FNTA: variants seen among roughly 807,000 people sequenced by gnomAD.
The protein encoded by FNTA is farnesyltransferase, CAAX box, subunit alpha.
Under a neutral mutation model 55.2 loss-of-function variants are expected in FNTA, and 27 were observed. The observed-to-expected ratio is 0.49, with a 90% CI of 0.36 to 0.67. The LOEUF is 0.67. Among genes scored for constraint, FNTA ranks in the 30% least tolerant of loss-of-function variants. FNTA has a pLI of 0.00. For synonymous variants in FNTA, 176 were observed against 170.7 expected, an observed-to-expected ratio of 1.03 and a Z score of -0.24; for missense variants, 422 against 464.7, an observed-to-expected ratio of 0.91 and a Z score of 0.85.
intron 6 of FNTA, 73 bp from the exon 7 acceptor site, chr8:43,083,045 C>T (rs1379882940): frequency 1.2e-6 from 1 of 834,328 alleles, no homozygotes; most frequent in Non-Finnish European, 1.8e-6. Flanking sequence ...GACTCCGTTT[C>T]AGAAAAAAAA....
intron 3 of FNTA, among the ~76,000 whole-genome samples, chr8:43,066,398 G>A (rs1325131976): frequency 6.7e-6 from 1 of 149,744 alleles, no homozygotes; most frequent in African/African-American, 2.5e-5. Context: ...CTGGGACTAC[G>A]GACGCCTGCC....
chr8:43,072,434 A>G, intron 5 of FNTA, 127 bp downstream of exon 5: 1 of 563,380 alleles, frequency 1.8e-6, no homozygotes, highest in African/African-American at 2.0e-5. Flanking sequence ...ATATATAACT[A>G]AAAATTATTG....
chr8:43,084,541 A>G (rs909524880), intron 7 of FNTA, 169 bp from the exon 8 acceptor site: 3 of 573,322 alleles, frequency 5.2e-6, no homozygotes, highest in Non-Finnish European at 6.1e-6. Flanking sequence ...CTAATGATCT[A>G]TGATAAGACT....
intron 6 of FNTA, chr8:43,081,058 A>G (rs976822093): frequency 6.6e-6 from 1 of 152,028 alleles, no homozygotes; most frequent in African/African-American, 2.4e-5. Context: ...AGTTTGTTAA[A>G]TTTTTTTTAA....
At chr8:43,064,274 C>CTTTTTTTAAACTGTACTTTAA in intron 3 of FNTA, 59 bp downstream of exon 3, 1 of 1,101,342 alleles carries the variant, frequency 9.1e-7, no homozygotes, top group South Asian at 1.3e-5. Flanking sequence ...AGTGGCTTTT[C>CTTTTTTTAAACTGTACTTTAA]TTTTTTTAAA....
intron 2 of FNTA, among the ~76,000 whole-genome samples, chr8:43,063,762 C>G (rs763209474): frequency 2.0e-5 from 3 of 152,050 alleles, no homozygotes; most frequent in Non-Finnish European, 4.4e-5. Context: ...AAAATCTGAT[C>G]AAAATGTCAG....
At chr8:43,073,167 A>C (rs1010457712) in intron 5 of FNTA, among the ~76,000 whole-genome samples, 4 of 152,332 alleles carry the variant, frequency 2.6e-5, no homozygotes, top group Admixed American at 2.0e-4. Context: ...AAAACTTAAA[A>C]ATTTTTAAAC....
At chr8:43,082,383 T>A (rs909391112) in intron 6 of FNTA, 6 of 152,246 alleles carry the variant, frequency 3.9e-5, no homozygotes, top group South Asian at 2.1e-4. Context: ...TGCCATTTTT[T>A]AATGATAGCT....
At chr8:43,065,436 G>A (rs568963281) in intron 3 of FNTA, among the ~76,000 whole-genome samples, 6 of 151,632 alleles carry the variant, frequency 4.0e-5, no homozygotes, top group East Asian at 3.9e-4. Flanking sequence ...TAGTAGAGAC[G>A]GGGTTTCATC....
chr8:43,067,637 G>T (rs1477812636), intron 3 of FNTA, among the ~76,000 whole-genome samples: 1 of 151,356 alleles, frequency 6.6e-6, no homozygotes, highest in Non-Finnish European at 1.5e-5. Flanking sequence ...ACATGCTCTG[G>T]GAAGTCTACT....
chr8:43,079,799 T>C (rs1810987918), intron 6 of FNTA: 1 of 152,358 alleles, frequency 6.6e-6, no homozygotes, highest in Admixed American at 6.5e-5. Context: ...CTAGGTGCTA[T>C]TAGGAATATT....
intron 5 of FNTA, among the ~76,000 whole-genome samples, chr8:43,075,598 T>G (rs144881359): frequency 0.021 from 3,164 of 152,182 alleles, 62 homozygotes; most frequent in Middle Eastern, 0.041. Context: ...GGCAGATTAC[T>G]TGAGTTCAGG....
chr8:43,085,360 C>T lies in FNTA; in HGVS notation c.*78C>T. 7.3e-7 allele frequency: 1 copy of T among 1,373,276 alleles called. No homozygotes were observed. Among genetic ancestry groups the T allele is most frequent in the Non-Finnish European group, 1.0e-6 (1 of 987,276 alleles). The allele number at this position is 1,373,276 out of a possible 1,614,324, so 85.1% of individuals were successfully genotyped here. On this transcript the variant is annotated 3_prime_UTR_variant, in exon 9 of 9. Transcript: ENST00000302279. The stretch of plus-strand genomic sequence containing the variant: ...GCAGGAGTTTCACACGAGAGTGGTC[C>T]TTCCCTTTGCCTGTGGTGTAAAAGT...
At chr8:43,057,186 TCACCCCGTCTTTGCTGA>T (rs999562074) in intron 1 of FNTA, 1 of 152,264 alleles carries the variant, frequency 6.6e-6, no homozygotes, top group Non-Finnish European at 1.5e-5. Context: ...CTTGCCTCTG[TCACCCCGTCTTTGCTGA>T]CACCCAGTTC....
chr8:43,084,011 A>G (rs1312559743), intron 7 of FNTA, among the ~76,000 whole-genome samples: 1 of 152,038 alleles, frequency 6.6e-6, no homozygotes, highest in Non-Finnish European at 1.5e-5. Context: ...GGTGGAGGTC[A>G]GAGTGAGCCA....
intron 3 of FNTA, 121 bp downstream of exon 3, chr8:43,064,336 A>G (rs1810605379): frequency 9.7e-6 from 6 of 618,286 alleles, no homozygotes; most frequent in South Asian, 9.6e-5. Context: ...AGGGGGGTGC[A>G]GTTTCACTCT....
At chr8:43,075,487 C>T (rs540676409) in intron 5 of FNTA, among the ~76,000 whole-genome samples, 101 of 151,918 alleles carry the variant, frequency 6.6e-4, no homozygotes, top group Admixed American at 3.1e-3. Flanking sequence ...TTCTCTTCCC[C>T]CATTTTTTTT....
At chr8:43,067,358 G>T (rs1810684185) in intron 3 of FNTA, among the ~76,000 whole-genome samples, 1 of 152,172 alleles carries the variant, frequency 6.6e-6, no homozygotes, top group South Asian at 2.1e-4. Context: ...CCATAATGTT[G>T]TTGACCTCTT....
At position 43,079,487 on chromosome 8, in the gene FNTA, A is replaced by G. The variant is rs149653667; in HGVS notation, c.782+2123A>G. ...AGCACATCTGTTTACAGCATGGTTT[A>G]CTGAATATTTTAAGCCCTCTTTGAG... On this transcript the variant is annotated intron_variant, in intron 6 of 8. Coordinates refer to ENST00000302279, the MANE Select transcript of FNTA (RefSeq NM_002027.3). 2.6e-3 allele frequency: 396 copies of G among 150,854 alleles called. 2 individuals carry two copies. Among genetic ancestry groups the G allele is most frequent in the South Asian group, 0.012 (67 of 5,454 alleles). 9.3% of individuals were successfully genotyped at this position (150,854 alleles called of 1,614,324 possible).
Sources: gnomAD v4.1 joint callset for allele counts (sites outside exome capture counted in the v4.1 genomes callset) on GRCh38, gnomAD v4.1.1 for gene constraint, MANE v1.5 for transcripts, NCBI Gene and HGNC (gene_info 2026-07-23, HGNC 2026-07-21) for gene names.